Variants in ATRNL1 observed in about 807,000 individuals in gnomAD.
ATRNL1 encodes attractin-like protein 1.
In ATRNL1, 95 loss-of-function variants were observed where a neutral mutation model predicts 182.7. The observed-to-expected ratio is 0.52, with a 90% confidence interval of 0.44 to 0.62. The LOEUF is 0.62. Ranked by LOEUF, ATRNL1 falls within the 20% of genes least tolerant of loss-of-function variation. The pLI is 0.00. For synonymous variants in ATRNL1, 576 were observed against 568.3 expected (o/e 1.01, Z -0.19); for missense variants, 1,471 against 1,679.5 (o/e 0.88, Z 2.17).
chr10:115,811,047 T>C (rs1171074196), intron 27 of ATRNL1, among the ~76,000 whole-genome samples: 1 of 151,928 alleles, frequency 6.6e-6, no homozygotes, highest in Non-Finnish European at 1.5e-5. Context: ...TACTATTCGT[T>C]AGTGTCCTAG....
intron 26 of ATRNL1, among the ~76,000 whole-genome samples, chr10:115,554,952 G>C (rs188561215): frequency 1.5e-4 from 23 of 151,640 alleles, no homozygotes; most frequent in African/African-American, 5.5e-4. Context: ...ATGTAGTCTC[G>C]CTAACCACAA....
At chr10:115,408,672 C>A (rs1437180923) in intron 20 of ATRNL1, among the ~76,000 whole-genome samples, 3 of 151,898 alleles carry the variant, frequency 2.0e-5, no homozygotes, top group African/African-American at 7.3e-5. Context: ...ATTCCCCTGG[C>A]GTTTTTTTCT....
intron 27 of ATRNL1, among the ~76,000 whole-genome samples, chr10:115,835,961 C>T (rs573151840): frequency 6.6e-6 from 1 of 152,202 alleles, no homozygotes. Context: ...CTCTGTCCCC[C>T]CACACCGATG....
At chr10:115,780,665 C>T (rs1247227975) in intron 27 of ATRNL1, among the ~76,000 whole-genome samples, 1 of 152,134 alleles carries the variant, frequency 6.6e-6, no homozygotes, top group African/African-American at 2.4e-5. Flanking sequence ...GCCCCCTTTC[C>T]AGGCCCTAGC....
intron 26 of ATRNL1, among the ~76,000 whole-genome samples, chr10:115,556,934 A>G (rs1853349466): frequency 6.6e-6 from 1 of 151,236 alleles, no homozygotes; most frequent in Non-Finnish European, 1.5e-5. Context: ...TTCCATCCCC[A>G]TCAGATATAC....
intron 28 of ATRNL1, among the ~76,000 whole-genome samples, chr10:115,926,142 C>T (rs1460886014): frequency 2.6e-5 from 4 of 152,150 alleles, no homozygotes; most frequent in Non-Finnish European, 5.9e-5. Flanking sequence ...ACTAAACAAC[C>T]TGCTCCTGAA....
intron 27 of ATRNL1, among the ~76,000 whole-genome samples, chr10:115,746,015 C>A (rs1182780292): frequency 6.6e-6 from 1 of 152,002 alleles, no homozygotes; most frequent in African/African-American, 2.4e-5. Context: ...AGTGAAATAA[C>A]TCCATTATAT....
intron 24 of ATRNL1, among the ~76,000 whole-genome samples, chr10:115,478,875 G>A (rs1346375275): frequency 6.6e-6 from 1 of 151,418 alleles, no homozygotes; most frequent in Non-Finnish European, 1.5e-5. Flanking sequence ...TATCAAATAT[G>A]TTTTCACTCC....
chr10:115,270,726 A>G (rs1018602623), intron 13 of ATRNL1, among the ~76,000 whole-genome samples: 15 of 151,964 alleles, frequency 9.9e-5, no homozygotes, highest in Admixed American at 7.9e-4. Context: ...CCATAGGGAG[A>G]GCATTTTACT....
chr10:115,528,033 CCTTT>C (rs1565133448), intron 25 of ATRNL1, among the ~76,000 whole-genome samples: 7 of 48,550 alleles, frequency 1.4e-4, no homozygotes, highest in African/African-American at 3.3e-4. Flanking sequence ...TTCCCTCCTT[CCTTT>C]CTTCCTTCCT....
intron 27 of ATRNL1, among the ~76,000 whole-genome samples, chr10:115,800,837 T>C (rs964087625): frequency 1.3e-5 from 2 of 152,056 alleles, no homozygotes; most frequent in African/African-American, 4.8e-5. Context: ...GCCACACAGG[T>C]TCCCTGATCT....
In ATRNL1 at chr10:115,944,828, C is replaced by T. The variant is rs782021007; in HGVS notation, c.*49C>T. On this transcript the variant is annotated 3_prime_UTR_variant, in exon 29 of 29. Coordinates refer to ENST00000355044, the MANE Select transcript of ATRNL1 (RefSeq NM_207303.4). ...TTCTGTACTGTTTTACTTCGGGCTTCTGTTAAAGCTGTTCTATGGCCTTGG... is the reference window on the plus strand; with the variant it reads ...TTCTGTACTGTTTTACTTCGGGCTTTTGTTAAAGCTGTTCTATGGCCTTGG... The T allele has an allele frequency of 7.0e-6, 11 of 1,569,366 alleles. No individual in the cohort carries two copies. The East Asian group carries it at 2.5e-4, about 36-fold the overall frequency.
Position 115,727,244 on chromosome 10 carries a change from C to G in ATRNL1, c.3796-4C>G. The G allele has an allele frequency of 6.2e-7, 1 of 1,609,992 alleles. No homozygotes were observed. The highest frequency in any genetic ancestry group is 1.7e-5 in the Admixed American group (1 of 60,004). ...TAAGATAAATCATTTTTAACCCCCT[C>G]CAGCAACTGCTTCGAGAACGACAGC... is the stretch of plus-strand genomic sequence containing the variant. On this transcript the variant is annotated splice_region_variant and splice_polypyrimidine_tract_variant and intron_variant, in intron 26 of 28. Coordinates refer to ENST00000355044, the MANE Select transcript of ATRNL1 (RefSeq NM_207303.4).
At chr10:115,944,607 A>G (rs1056606293) in intron 28 of ATRNL1, 51 bp from the exon 29 acceptor site, 24 of 1,520,436 alleles carry the variant, frequency 1.6e-5, no homozygotes, top group Non-Finnish European at 1.9e-5. Flanking sequence ...CACTGTTGCC[A>G]TCCCAGAAAT....
intron 20 of ATRNL1, among the ~76,000 whole-genome samples, chr10:115,413,772 CT>C (rs1845254275): frequency 6.6e-6 from 1 of 151,936 alleles, no homozygotes; most frequent in African/African-American, 2.4e-5. Context: ...GCTGTATATC[CT>C]TTTGGAGCTC....
chr10:115,214,925 C>G (rs1849170595), intron 8 of ATRNL1, among the ~76,000 whole-genome samples: 1 of 152,124 alleles, frequency 6.6e-6, no homozygotes. Flanking sequence ...AGGGATCACC[C>G]AGAAATCCAG....
chr10:115,171,653 ATT>A (rs1284581205), intron 8 of ATRNL1, among the ~76,000 whole-genome samples: 31 of 152,058 alleles, frequency 2.0e-4, no homozygotes, highest in African/African-American at 7.5e-4. Flanking sequence ...TGGTTTCAGG[ATT>A]TTTTATTTTT....
chr10:115,847,477 A>T (rs1411364757), intron 27 of ATRNL1, among the ~76,000 whole-genome samples: 1 of 152,156 alleles, frequency 6.6e-6, no homozygotes, highest in Non-Finnish European at 1.5e-5. Context: ...ATGTATATGT[A>T]TATGTATATC....
chr10:115,724,929 A>G (rs1555059424), intron 26 of ATRNL1, among the ~76,000 whole-genome samples: 3 of 152,186 alleles, frequency 2.0e-5, no homozygotes, highest in African/African-American at 7.2e-5. Flanking sequence ...TTTCACAGTA[A>G]GAACATTTGC....
Sources: allele counts gnomAD v4.1 joint callset (sites outside exome capture counted in the v4.1 genomes callset), GRCh38; gene constraint gnomAD v4.1.1; transcripts MANE v1.5; gene names NCBI Gene and HGNC (gene_info 2026-07-23, HGNC 2026-07-21).